The following DYM variants were observed in gnomAD, a reference collection of about 807,000 sequenced individuals.
DYM encodes the protein dyggve-Melchior-Clausen syndrome protein.
A neutral mutation model predicts 93.1 loss-of-function variants in DYM; 78 were observed. The observed-to-expected ratio is 0.84, with a 90% CI of 0.70 to 1.01. The LOEUF is 1.01. DYM is among the 50% of genes least tolerant of loss of function. The pLI is 0.00. For synonymous variants in DYM, 321 were observed against 319.7 expected (o/e 1.00, Z -0.04); for missense variants, 789 against 845.0 (o/e 0.93, Z 0.82).
intron 17 of DYM, among the ~76,000 whole-genome samples, chr18:49,087,659 G>A (rs2078667667): frequency 6.6e-6 from 1 of 152,202 alleles, no homozygotes; most frequent in African/African-American, 2.4e-5. Flanking sequence ...GGGTCAAATG[G>A]TATTTCTAGT....
chr18:49,428,004 T>A (rs1320271934), intron 2 of DYM, among the ~76,000 whole-genome samples: 1 of 151,698 alleles, frequency 6.6e-6, no homozygotes, highest in Non-Finnish European at 1.5e-5. Flanking sequence ...AGTGGAAGGA[T>A]CACTTGAGCC....
chr18:49,166,290 A>G (rs1230943662), intron 14 of DYM, among the ~76,000 whole-genome samples: 1 of 152,168 alleles, frequency 6.6e-6, no homozygotes. Context: ...CACTTTGTCT[A>G]TCTAACAATA....
At chr18:49,152,486 G>A (rs1273699596) in intron 15 of DYM, among the ~76,000 whole-genome samples, 1 of 152,118 alleles carries the variant, frequency 6.6e-6, no homozygotes, top group Non-Finnish European at 1.5e-5. Flanking sequence ...TAGGGTCAGG[G>A]GGGATGAGGA....
At chr18:49,202,866 T>C (rs1310050634) in intron 14 of DYM, among the ~76,000 whole-genome samples, 3 of 95,276 alleles carry the variant, frequency 3.1e-5, no homozygotes, top group African/African-American at 3.6e-5. Flanking sequence ...GTGAGGAGCG[T>C]CTCCGCCCGG....
At chr18:49,362,295 C>T (rs1195754635) in intron 6 of DYM, among the ~76,000 whole-genome samples, 2 of 152,020 alleles carry the variant, frequency 1.3e-5, no homozygotes, top group South Asian at 2.1e-4. Context: ...GCTGGGAGTT[C>T]GAGACCAACC....
At chr18:49,381,400 A>G (rs977246283) in intron 3 of DYM, among the ~76,000 whole-genome samples, 1 of 152,274 alleles carries the variant, frequency 6.6e-6, no homozygotes, top group Middle Eastern at 3.4e-3. Context: ...TATTTTTGTC[A>G]TGACTTAAGA....
chr18:49,249,457 A>G (rs185473688), intron 13 of DYM, among the ~76,000 whole-genome samples: 97 of 152,282 alleles, frequency 6.4e-4, no homozygotes, highest in African/African-American at 2.3e-3. Context: ...CATGTTTGAG[A>G]AAAAAACCCA....
chr18:49,079,844 T>C (rs943574160), intron 17 of DYM, among the ~76,000 whole-genome samples: 2 of 151,572 alleles, frequency 1.3e-5, no homozygotes, highest in African/African-American at 2.4e-5. Context: ...TTCTCAATCT[T>C]TTCCCCACCT....
intron 1 of DYM, among the ~76,000 whole-genome samples, chr18:49,440,935 A>T (rs59914333): frequency 2.2e-3 from 1 of 454 alleles, no homozygotes; most frequent in Non-Finnish European, 3.0e-3. Flanking sequence ...TATATTATAT[A>T]ATATATAATA....
At chr18:49,245,562 T>C (rs1445176268) in intron 13 of DYM, among the ~76,000 whole-genome samples, 1 of 152,186 alleles carries the variant, frequency 6.6e-6, no homozygotes, top group East Asian at 1.9e-4. Flanking sequence ...CTTACTAGCA[T>C]TGGGAAATTC....
At chr18:49,222,078 A>T (rs1317031542) in intron 13 of DYM, among the ~76,000 whole-genome samples, 2 of 151,942 alleles carry the variant, frequency 1.3e-5, no homozygotes, top group Non-Finnish European at 2.9e-5. Flanking sequence ...AGTGGGTTAT[A>T]TTCTAAGGAC....
At chr18:49,337,734 C>T (rs1034327159) in intron 6 of DYM, among the ~76,000 whole-genome samples, 5 of 152,130 alleles carry the variant, frequency 3.3e-5, no homozygotes, top group Middle Eastern at 3.4e-3. Flanking sequence ...CCGGCAAATC[C>T]CATGAAAGAA....
At chr18:49,177,024 C>T (rs1355836495) in intron 14 of DYM, among the ~76,000 whole-genome samples, 1 of 151,870 alleles carries the variant, frequency 6.6e-6, no homozygotes, top group Non-Finnish European at 1.5e-5. Flanking sequence ...TTTCGGTGAC[C>T]CTTTCTTAGT....
chr18:49,262,229 G>A (rs1216105204), intron 11 of DYM, among the ~76,000 whole-genome samples: 2 of 152,102 alleles, frequency 1.3e-5, no homozygotes, highest in African/African-American at 4.8e-5. Context: ...GTAGATAGAT[G>A]GCAAGCCAAG....
At chr18:49,399,928 A>ATTTTTATT (rs1258036704) in intron 2 of DYM, among the ~76,000 whole-genome samples, 1 of 94,252 alleles carries the variant, frequency 1.1e-5, no homozygotes. Flanking sequence ...ATTTATTTTT[A>ATTTTTATT]TTTTTCTTTT....
chr18:49,426,429 G>T (rs1024657367), intron 2 of DYM, among the ~76,000 whole-genome samples: 1 of 150,480 alleles, frequency 6.6e-6, no homozygotes, highest in African/African-American at 2.4e-5. Flanking sequence ...ATAGCATTAG[G>T]AGATATACCT....
intron 17 of DYM, among the ~76,000 whole-genome samples, chr18:49,061,473 G>A (rs1310475068): frequency 6.6e-6 from 1 of 152,228 alleles, no homozygotes; most frequent in African/African-American, 2.4e-5. Context: ...GATCTGCTGA[G>A]ACTGAGCCTA....
chr18:49,051,293 T>G (rs1367856829), intron 17 of DYM, among the ~76,000 whole-genome samples: 1 of 152,234 alleles, frequency 6.6e-6, no homozygotes, highest in Non-Finnish European at 1.5e-5. Flanking sequence ...GATCACCAGG[T>G]GAGCCCAGGC....
chr18:49,157,525 G>T (rs1414261359), intron 15 of DYM, among the ~76,000 whole-genome samples: 1 of 152,080 alleles, frequency 6.6e-6, no homozygotes, highest in Non-Finnish European at 1.5e-5. Context: ...AGGTAATTGA[G>T]GCCCAGTGAG....
Sources: allele counts gnomAD v4.1 joint callset (sites outside exome capture counted in the v4.1 genomes callset), GRCh38; gene constraint gnomAD v4.1.1; transcripts MANE v1.5; gene names NCBI Gene and HGNC (gene_info 2026-07-23, HGNC 2026-07-21).